The following SPECC1 variants were observed in gnomAD, a reference collection of about 807,000 sequenced individuals.
SPECC1 encodes sperm antigen with calponin homology and coiled-coil domains 1.
A neutral mutation model predicts 104.1 loss-of-function variants in SPECC1; 62 were observed. The ratio of observed to expected loss-of-function variants is 0.60; its 90% confidence interval spans 0.49 to 0.74. The LOEUF is 0.74. SPECC1 is among the 30% of genes least tolerant of loss of function. SPECC1 has a pLI of 0.00. For missense variants in SPECC1, 1,306 were observed against 1,310.5 expected (o/e 1.00, Z 0.05); for synonymous variants, 513 against 501.6 (o/e 1.02, Z -0.30).
chr17:20,202,543 C>T (rs1291433948), intron 3 of SPECC1, among the ~76,000 whole-genome samples: 1 of 152,172 alleles, frequency 6.6e-6, no homozygotes, highest in Non-Finnish European at 1.5e-5. Flanking sequence ...ACCATGTAAA[C>T]TTATGGTATT....
chr17:20,229,926 C>T lies in SPECC1; in HGVS notation c.2072-1832C>T, dbSNP rs187688179. On this transcript the variant is annotated intron_variant, in intron 5 of 14. Transcript: ENST00000395527. ...CAGGAAAATGTTAACCCCTTCTTGG[C>T]TAGTGCTGGTTGGCTCCCAAGTTTC... 1.3e-3 allele frequency among the ~76,000 whole-genome samples: 198 copies of T among 152,284 alleles called. 2 individuals carry two copies. Among genetic ancestry groups the T allele is most frequent in the African/African-American group, 4.4e-3 (183 of 41,562 alleles).
intron 12 of SPECC1, among the ~76,000 whole-genome samples, chr17:20,276,533 A>T (rs1417263729): frequency 1.3e-5 from 2 of 152,142 alleles, no homozygotes; most frequent in East Asian, 3.9e-4. Context: ...GCCTGTTCAC[A>T]TTTTCTTGTG....
chr17:20,148,783 G>A (rs188216795), intron 3 of SPECC1, among the ~76,000 whole-genome samples: 8 of 152,080 alleles, frequency 5.3e-5, no homozygotes, highest in Non-Finnish European at 7.4e-5. Context: ...GCAGTGGCGC[G>A]TTCTCGGCTC....
At chr17:20,209,670 T>C (rs1245122422) in intron 4 of SPECC1, among the ~76,000 whole-genome samples, 3 of 152,244 alleles carry the variant, frequency 2.0e-5, no homozygotes, top group Admixed American at 1.3e-4. Context: ...GACATACTTC[T>C]GTACAACTTT....
chr17:20,198,452 T>TTC (rs2036185270), intron 3 of SPECC1, among the ~76,000 whole-genome samples: 1 of 152,186 alleles, frequency 6.6e-6, no homozygotes, highest in African/African-American at 2.4e-5. Context: ...TTTCCAGCCA[T>TTC]CCCATCAGCT....
chr17:20,230,355 A>G (rs536086244), intron 5 of SPECC1, among the ~76,000 whole-genome samples: 4 of 152,286 alleles, frequency 2.6e-5, no homozygotes, highest in Non-Finnish European at 5.9e-5. Context: ...TTCTCCTTGA[A>G]CATGACATGT....
At chr17:20,035,690 T>C (rs994778925) in intron 1 of SPECC1, among the ~76,000 whole-genome samples, 4 of 152,178 alleles carry the variant, frequency 2.6e-5, no homozygotes, top group African/African-American at 9.7e-5. Flanking sequence ...GGCACAATCA[T>C]TGTGCATTAC....
intron 1 of SPECC1, among the ~76,000 whole-genome samples, chr17:20,036,197 C>A (rs1194010007): frequency 6.6e-6 from 1 of 151,620 alleles, no homozygotes; most frequent in Non-Finnish European, 1.5e-5. Flanking sequence ...GCAGTGGCAC[C>A]CAGCTCACTG....
At position 20,257,625 on chromosome 17, in the gene SPECC1, A is replaced by AT. The variant is rs775992812; in HGVS notation, c.2837+19dup. 3,490 of 1,609,628 alleles carry AT rather than the reference A, an allele frequency of 2.2e-3. 6 individuals carry two copies. The highest frequency in any genetic ancestry group is 2.8e-3 in the Non-Finnish European group (3,256 of 1,179,018). On this transcript the variant is annotated intron_variant, in intron 11 of 14. Transcript: ENST00000395527. Reference sequence around the variant, plus strand: ...AAACTCAGGTATCGTGTTTCAAACAATAAGAAATCAGAAAAACATCGGGCT... The same window carrying AT: ...AAACTCAGGTATCGTGTTTCAAACAATTAAGAAATCAGAAAAACATCGGGCT...
At chr17:20,122,003 C>G (rs900060684) in intron 3 of SPECC1, among the ~76,000 whole-genome samples, 2 of 152,188 alleles carry the variant, frequency 1.3e-5, no homozygotes, top group African/African-American at 4.8e-5. Context: ...ACATCCCTGC[C>G]TTCATAAAGG....
At chr17:20,231,670 G>C in intron 5 of SPECC1, 88 bp from the exon 6 acceptor site, 1 of 1,181,266 alleles carries the variant, frequency 8.5e-7, no homozygotes. Context: ...TGTGGCATCT[G>C]GAGCTGCCCC....
At chr17:20,260,830 A>AG (rs938796218) in intron 12 of SPECC1, among the ~76,000 whole-genome samples, 1 of 151,840 alleles carries the variant, frequency 6.6e-6, no homozygotes, top group Non-Finnish European at 1.5e-5. Context: ...AGATCATATG[A>AG]GGGGTAGGGG....
chr17:20,044,300 G>A (rs1187388578), intron 1 of SPECC1, among the ~76,000 whole-genome samples: 1 of 152,188 alleles, frequency 6.6e-6, no homozygotes, highest in Non-Finnish European at 1.5e-5. Flanking sequence ...TTACGAGGTA[G>A]TGGTAAAGTA....
chr17:20,032,932 G>GCA (rs1407731318), intron 1 of SPECC1, among the ~76,000 whole-genome samples: 1 of 146,392 alleles, frequency 6.8e-6, no homozygotes, highest in Non-Finnish European at 1.5e-5. Flanking sequence ...ATACACACAC[G>GCA]CGCGCACACA....
intron 2 of SPECC1, among the ~76,000 whole-genome samples, chr17:20,109,819 A>G (rs747534090): frequency 2.0e-5 from 3 of 151,600 alleles, no homozygotes; most frequent in Non-Finnish European, 4.4e-5. Context: ...ATTGGTTCCC[A>G]TTCTTTTTTT....
At chr17:20,238,462 G>A in intron 7 of SPECC1, 1 of 1,042,664 alleles carries the variant, frequency 9.6e-7, no homozygotes, top group Non-Finnish European at 1.2e-6. Flanking sequence ...GGAGCCATTA[G>A]TGACGTTATC....
At position 20,318,034 on chromosome 17, in the gene SPECC1, A is replaced by T. The variant is rs143362040; in HGVS notation, c.*3969A>T. 403 of 230,380 alleles carry T rather than the reference A, an allele frequency of 1.7e-3. No individual in the cohort carries two copies. The highest frequency in any genetic ancestry group is 5.1e-3 in the Middle Eastern group (4 of 778). 14.3% of individuals were successfully genotyped at this position (230,380 alleles called of 1,614,324 possible). On this transcript the variant is annotated 3_prime_UTR_variant, in exon 15 of 15. Coordinates refer to ENST00000395527, the MANE Select transcript of SPECC1 (RefSeq NM_001243439.2). Reference sequence around the variant, plus strand: ...ATCTTATTTTTTCTATACTCAGCAGAGTGTGCCATTCCCAGTTTCTGTCCT... The same window carrying T: ...ATCTTATTTTTTCTATACTCAGCAGTGTGTGCCATTCCCAGTTTCTGTCCT...
intron 12 of SPECC1, among the ~76,000 whole-genome samples, chr17:20,273,034 G>A (rs144626017): frequency 2.3e-4 from 35 of 152,272 alleles, no homozygotes; most frequent in African/African-American, 7.2e-4. Flanking sequence ...TGAGGCCTGC[G>A]ACTATGTTCC....
intron 3 of SPECC1, among the ~76,000 whole-genome samples, chr17:20,162,382 G>T (rs2033245485): frequency 6.6e-6 from 1 of 151,952 alleles, no homozygotes. Flanking sequence ...TCCTGACATT[G>T]TGATCCGCCC....
Sources: gnomAD v4.1 joint callset for allele counts (sites outside exome capture counted in the v4.1 genomes callset) on GRCh38, gnomAD v4.1.1 for gene constraint, MANE v1.5 for transcripts, NCBI Gene and HGNC (gene_info 2026-07-23, HGNC 2026-07-21) for gene names.